PPM1G: variants seen among roughly 807,000 people sequenced by gnomAD.
PPM1G encodes the protein protein phosphatase, Mg2+/Mn2+ dependent 1G.
In PPM1G, 12 loss-of-function variants were observed where a neutral mutation model predicts 59.4. That is an observed-to-expected ratio of 0.20 (90% CI 0.13 to 0.33). The LOEUF (loss-of-function observed/expected upper bound fraction) is 0.33. Ranked by LOEUF, PPM1G falls within the 10% of genes least tolerant of loss-of-function variation. The pLI, the probability that PPM1G is intolerant of heterozygous loss-of-function variation, is 1.00. For missense variants in PPM1G, 392 were observed against 681.3 expected (o/e 0.58, Z 4.73); for synonymous variants, 245 against 251.9 (o/e 0.97, Z 0.26).
At chr2:27,401,586 G>C (rs1237536146) in intron 1 of PPM1G, among the ~76,000 whole-genome samples, 1 of 152,212 alleles carries the variant, frequency 6.6e-6, no homozygotes, top group Non-Finnish European at 1.5e-5. Flanking sequence ...AGCACTTTGG[G>C]AGGCTGAGGC....
At chr2:27,397,663 A>G (rs1456762731) in intron 1 of PPM1G, among the ~76,000 whole-genome samples, 1 of 152,168 alleles carries the variant, frequency 6.6e-6, no homozygotes, top group Non-Finnish European at 1.5e-5. Flanking sequence ...AAAAGACTCA[A>G]TGCCAGTCTG....
chr2:27,381,696 G>GT lies in PPM1G; in HGVS notation c.1543_1544insA (p.Pro515HisfsTer15). On this transcript the variant is annotated frameshift_variant, in exon 10 of 10. Transcript: ENST00000344034. LOFTEE classifies it high-confidence loss of function. ...CTCTAGTTTTCGCTTGCCACTCTCT[G>GT]GCTGGAGCTCTGCTGTGTTTCGGGG... 6.2e-7 allele frequency: 1 copy of GT among 1,614,004 alleles called. No homozygotes were observed. The highest frequency in any genetic ancestry group is 8.5e-7 in the Non-Finnish European group (1 of 1,180,012).
At chr2:27,407,815 G>A (rs1480132270) in intron 1 of PPM1G, among the ~76,000 whole-genome samples, 2 of 152,034 alleles carry the variant, frequency 1.3e-5, no homozygotes, top group African/African-American at 4.8e-5. Flanking sequence ...TTGGGAGACC[G>A]AGGCAGGCAG....
At chr2:27,388,165 C>T (rs1683813838) in intron 1 of PPM1G, among the ~76,000 whole-genome samples, 1 of 151,774 alleles carries the variant, frequency 6.6e-6, no homozygotes. Context: ...AATCCCAGCA[C>T]TTTGGGAGGC....
chr2:27,386,147 G>C (rs200156240), intron 3 of PPM1G, 47 bp downstream of exon 3: 1 of 1,528,096 alleles, frequency 6.5e-7, no homozygotes, highest in East Asian at 2.3e-5. Context: ...TAGAGAACAA[G>C]GGAAAAGCCT....
intron 1 of PPM1G, among the ~76,000 whole-genome samples, chr2:27,390,103 A>G (rs1683864136): frequency 6.6e-6 from 1 of 151,132 alleles, no homozygotes; most frequent in African/African-American, 2.4e-5. Context: ...CATATCCTCC[A>G]CTTTCCAGGT....
In PPM1G at chr2:27,382,012, G is replaced by A. The variant is rs1683643579; in HGVS notation, c.1434+114C>T. The A allele has an allele frequency of 1.8e-6, 2 of 1,136,878 alleles. No individual in the cohort carries two copies. Among genetic ancestry groups the A allele is most frequent in the African/African-American group, 3.0e-5 (2 of 65,636 alleles). 70.4% of individuals were successfully genotyped at this position (1,136,878 alleles called of 1,614,324 possible). The stretch of plus-strand genomic sequence containing the variant: ...GGTGGAACTTTGGAGTCGGGGTTTA[G>A]CGTCTGTCAGCAATTACTGATAATG... On this transcript the variant is annotated intron_variant, in intron 9 of 9. Coordinates refer to ENST00000344034, the MANE Select transcript of PPM1G (RefSeq NM_177983.3). The surrounding 1 kb of genome is among the most constrained non-coding windows in gnomAD (Gnocchi z 4.2).
chr2:27,384,538 C>G lies in PPM1G; in HGVS notation c.825+135G>C. 1.8e-6 allele frequency: 2 copies of G among 1,142,454 alleles called. No homozygotes were observed. The highest frequency in any genetic ancestry group is 2.5e-6 in the Non-Finnish European group (2 of 808,328). The allele number at this position is 1,142,454 out of a possible 1,614,324, so 70.8% of individuals were successfully genotyped here. A position where few individuals can be genotyped will look rare whatever the true frequency, so the allele number is the denominator to read the frequency against. ...ATGATGGAGCTCAATGAATTCAAGA[C>G]TAAAGCTTAGAATACAGTGGGTCTT... On this transcript the variant is annotated intron_variant, in intron 5 of 9. Coordinates refer to ENST00000344034, the MANE Select transcript of PPM1G (RefSeq NM_177983.3). The surrounding 1 kb of genome is among the most constrained non-coding windows in gnomAD (Gnocchi z 4.8).
At chr2:27,392,618 G>GA (rs1683942988) in intron 1 of PPM1G, among the ~76,000 whole-genome samples, 1 of 150,078 alleles carries the variant, frequency 6.7e-6, no homozygotes, top group African/African-American at 2.5e-5. Flanking sequence ...TTTTGGGGGG[G>GA]GGGAGGGTAC....
At position 27,382,641 on chromosome 2, in the gene PPM1G, A is replaced by G; in HGVS notation, c.1202-36T>C. 6.2e-7 allele frequency: 1 copy of G among 1,612,716 alleles called. No individual in the cohort carries two copies. The highest frequency in any genetic ancestry group is 8.5e-7 in the Non-Finnish European group (1 of 1,179,100). ...GGAATGGTTGATGAGCAGTTTGGAT[A>G]CTTCCCACAGACTTGTGTTTGTGGC... On this transcript the variant is annotated intron_variant, in intron 7 of 9. Coordinates refer to ENST00000344034, the MANE Select transcript of PPM1G (RefSeq NM_177983.3). The surrounding 1 kb of genome is among the most constrained non-coding windows in gnomAD (Gnocchi z 4.2).
chr2:27,388,560 A>G (rs1382787928), intron 1 of PPM1G, among the ~76,000 whole-genome samples: 1 of 152,146 alleles, frequency 6.6e-6, no homozygotes, highest in African/African-American at 2.4e-5. Context: ...TTAAGTGGTT[A>G]AAAGCAAAAA....
At chr2:27,402,678 G>A (rs994079507) in intron 1 of PPM1G, among the ~76,000 whole-genome samples, 5 of 151,600 alleles carry the variant, frequency 3.3e-5, no homozygotes, top group East Asian at 3.9e-4. Context: ...GCGTGGTGGC[G>A]GGCGCCTGTA....
intron 1 of PPM1G, among the ~76,000 whole-genome samples, chr2:27,404,596 CT>C (rs1297031524): frequency 6.6e-6 from 1 of 151,860 alleles, no homozygotes; most frequent in Non-Finnish European, 1.5e-5. Context: ...AGTTTTGTCA[CT>C]TCCAGAGAAC....
At position 27,385,532 on chromosome 2, in the gene PPM1G, A is replaced by C. The variant is rs1267194307; in HGVS notation, c.409+215T>G. On this transcript the variant is annotated intron_variant, in intron 4 of 9. Coordinates refer to ENST00000344034, the MANE Select transcript of PPM1G (RefSeq NM_177983.3). The surrounding 1 kb of genome is among the most constrained non-coding windows in gnomAD (Gnocchi z 4.1). ...CCATCACAATGACAAAAGATAATGT[A>C]TATACAATGCTTACAGCTCAGATGC... 1 of 589,300 alleles carries C rather than the reference A, an allele frequency of 1.7e-6. No homozygotes were observed. Among genetic ancestry groups the C allele is most frequent in the African/African-American group, 1.9e-5 (1 of 53,656 alleles). The allele number at this position is 589,300 out of a possible 1,614,324, so 36.5% of individuals were successfully genotyped here.
At chr2:27,387,331 C>T (rs1314616214) in intron 1 of PPM1G, among the ~76,000 whole-genome samples, 173 bp from the exon 2 acceptor site, 2 of 151,792 alleles carry the variant, frequency 1.3e-5, no homozygotes, top group African/African-American at 2.4e-5. Context: ...AGGAGGGAGG[C>T]AAAGGAGGAA....
At chr2:27,391,565 T>G (rs1168148137) in intron 1 of PPM1G, among the ~76,000 whole-genome samples, 2 of 152,176 alleles carry the variant, frequency 1.3e-5, no homozygotes, top group African/African-American at 2.4e-5. Flanking sequence ...ATTTTGGATA[T>G]TAGACTTTTG....
chr2:27,383,327 A>G lies in PPM1G; in HGVS notation c.1201+39T>C, dbSNP rs778485538. The G allele has an allele frequency of 1.9e-6, 3 of 1,586,484 alleles. No homozygotes were observed. The highest frequency in any genetic ancestry group is 2.6e-6 in the Non-Finnish European group (3 of 1,155,978). ...CTACTAGGTAGTCTGGGACAGAGAG[A>G]AAGACCCTAGAAGTCTTTCCCAGTT... On this transcript the variant is annotated intron_variant, in intron 7 of 9. Coordinates refer to ENST00000344034, the MANE Select transcript of PPM1G (RefSeq NM_177983.3). The surrounding 1 kb of genome is among the most constrained non-coding windows in gnomAD (Gnocchi z 5.0).
At chr2:27,390,504 T>G (rs948466560) in intron 1 of PPM1G, among the ~76,000 whole-genome samples, 1 of 152,178 alleles carries the variant, frequency 6.6e-6, no homozygotes, top group Non-Finnish European at 1.5e-5. Flanking sequence ...GCAGGAGGAC[T>G]GCTTGAGGCC....
chr2:27,392,685 G>C, intron 1 of PPM1G: 1 of 752,282 alleles, frequency 1.3e-6, no homozygotes. Flanking sequence ...GGGTGTCTTG[G>C]AACAACTTAT....
Sources: gnomAD v4.1 joint callset for allele counts (sites outside exome capture counted in the v4.1 genomes callset) on GRCh38, gnomAD v4.1.1 for gene constraint, Gnocchi (gnomAD v3.1) non-coding constraint, MANE v1.5 for transcripts, NCBI Gene and HGNC (gene_info 2026-07-23, HGNC 2026-07-21) for gene names.